DST: variants seen among roughly 807,000 people sequenced by gnomAD.
DST encodes the protein dystonin, also known as bullous pemphigoid antigen.
A neutral mutation model predicts 875.2 loss-of-function variants in DST; 253 were observed. The ratio of observed to expected loss-of-function variants is 0.29; its 90% CI spans 0.26 to 0.32. The LOEUF is 0.32. DST is among the 10% of genes least tolerant of loss of function. DST has a pLI of 1.00. For synonymous variants in DST, 3,124 were observed against 3,197.1 expected, an observed-to-expected ratio of 0.98 and a Z score of 0.77; for missense variants, 8,287 against 9,111.6, an observed-to-expected ratio of 0.91 and a Z score of 3.68.
At chr6:56,915,005 A>C (rs1213572400) in intron 2 of DST, among the ~76,000 whole-genome samples, 1 of 152,346 alleles carries the variant, frequency 6.6e-6, no homozygotes, top group East Asian at 1.9e-4. Flanking sequence ...TTCTCTCAGC[A>C]ACGGGCCCAC....
At chr6:56,836,850 C>CAA (rs1362120373) in intron 4 of DST, among the ~76,000 whole-genome samples, 11,535 of 73,268 alleles carry the variant, frequency 0.16, 706 homozygotes, top group Middle Eastern at 0.25. Context: ...GACTCCATCT[C>CAA]AAAAAAAAAA....
chr6:56,567,256 G>A (rs1427673019), intron 55 of DST, among the ~76,000 whole-genome samples: 1 of 151,752 alleles, frequency 6.6e-6, no homozygotes, highest in Non-Finnish European at 1.5e-5. Flanking sequence ...AAAACACAAA[G>A]ACATTTCTCA....
intron 4 of DST, among the ~76,000 whole-genome samples, chr6:56,778,655 T>C (rs771149734): frequency 2.6e-5 from 4 of 151,484 alleles, no homozygotes; most frequent in Admixed American, 2.0e-4. Flanking sequence ...GTCCTTGAGA[T>C]AGTTTACTGA....
At chr6:56,826,649 T>A (rs1232008894) in intron 4 of DST, among the ~76,000 whole-genome samples, 1 of 152,188 alleles carries the variant, frequency 6.6e-6, no homozygotes, top group Admixed American at 6.5e-5. Context: ...ATATTAGAAG[T>A]CAATATTTAG....
intron 10 of DST, among the ~76,000 whole-genome samples, chr6:56,669,379 T>A (rs1032433713): frequency 1.3e-5 from 2 of 150,942 alleles, no homozygotes; most frequent in Admixed American, 1.3e-4. Flanking sequence ...GGGGATCACC[T>A]GAGGTCAGGA....
chr6:56,607,414 G>T lies in DST; in HGVS notation c.7214C>A (p.Ser2405Ter), dbSNP rs1261702898. 1.2e-6 allele frequency: 2 copies of T among 1,611,494 alleles called. No individual in the cohort carries two copies. The highest frequency in any genetic ancestry group is 1.7e-6 in the Non-Finnish European group (2 of 1,178,870). Residue 2405 changes from serine (S) to a stop codon, truncating the protein, a stop_gained, in exon 40 of 104, where the codon TCA becomes TAA. Coordinates refer to ENST00000680361, the MANE Select transcript of DST (RefSeq NM_001374736.1). LOFTEE classifies it high-confidence loss of function. ...CACACCACAGAATTTACTCATTTTT[G>T]ATTTCATAATAGGATTTTCTATTAA... is the stretch of plus-strand genomic sequence containing the variant. ...SDLIENPIMKSKMSKFCGVNE... is the reference protein window; with the variant it reads ...SDLIENPIMK
At chr6:56,601,925 C>A in intron 43 of DST, 1 of 447,906 alleles carries the variant, frequency 2.2e-6, no homozygotes. Flanking sequence ...TTATCTTTAC[C>A]TGTCACATTG....
At chr6:56,732,457 A>G (rs977637523) in intron 5 of DST, among the ~76,000 whole-genome samples, 11 of 152,324 alleles carry the variant, frequency 7.2e-5, no homozygotes, top group Admixed American at 4.6e-4. Context: ...AAACATTTAT[A>G]ATTTTGACTT....
chr6:56,949,624 G>T (rs1166255146), intron 2 of DST, among the ~76,000 whole-genome samples: 1 of 152,156 alleles, frequency 6.6e-6, no homozygotes, highest in Non-Finnish European at 1.5e-5. Context: ...GTGTTTATTT[G>T]AAAAATAATT....
intron 36 of DST, chr6:56,620,014 G>C: frequency 6.2e-7 from 1 of 1,614,070 alleles, no homozygotes; most frequent in African/African-American, 1.3e-5. Flanking sequence ...TAGCCTGTGT[G>C]ATCGGACACA....
chr6:56,548,162 C>T lies in DST; in HGVS notation c.16608+4022G>A, dbSNP rs79411566. On this transcript the variant is annotated intron_variant, in intron 61 of 103. Coordinates refer to ENST00000680361, the MANE Select transcript of DST (RefSeq NM_001374736.1). ...TGTCTTAGGCCACCCATAAAATACA[C>T]TAACAGCAATGACAGCTGATGAGCT... Among the ~76,000 whole-genome samples, 1,518 of 152,290 alleles carry T rather than the reference C, an allele frequency of 1.0e-2. 34 individuals carry two copies. Among genetic ancestry groups the T allele is most frequent in the African/African-American group, 0.035 (1,464 of 41,540 alleles).
intron 17 of DST, among the ~76,000 whole-genome samples, chr6:56,641,638 C>T (rs972452012): frequency 6.6e-6 from 1 of 152,056 alleles, no homozygotes. Flanking sequence ...TTTCAAACAT[C>T]CCATGAATAC....
intron 85 of DST, among the ~76,000 whole-genome samples, chr6:56,491,849 A>G (rs539917196): frequency 3.3e-4 from 51 of 152,328 alleles, no homozygotes; most frequent in African/African-American, 1.2e-3. Context: ...AACAAAAGGT[A>G]GCAATACAAT....
intron 4 of DST, among the ~76,000 whole-genome samples, chr6:56,793,345 A>G (rs1259762692): frequency 1.3e-5 from 2 of 152,196 alleles, no homozygotes; most frequent in African/African-American, 4.8e-5. Context: ...ATGATGTCTA[A>G]ACTTAAATTT....
chr6:56,912,950 A>G (rs917261782), intron 2 of DST, among the ~76,000 whole-genome samples: 1 of 152,226 alleles, frequency 6.6e-6, no homozygotes, highest in South Asian at 2.1e-4. Flanking sequence ...ACAGTCTACC[A>G]CAGAGCTGGT....
intron 86 of DST, 74 bp downstream of exon 86, chr6:56,489,416 T>C: frequency 7.0e-7 from 1 of 1,433,842 alleles, no homozygotes; most frequent in Non-Finnish European, 9.2e-7. Context: ...AATAAACACG[T>C]GATGAAGTAA....
At chr6:56,865,130 A>G (rs945693954) in intron 3 of DST, among the ~76,000 whole-genome samples, 3 of 152,220 alleles carry the variant, frequency 2.0e-5, no homozygotes, top group South Asian at 2.1e-4. Flanking sequence ...AATCACAGAG[A>G]CAGAGATTCA....
chr6:56,746,200 G>A (rs780763674), intron 4 of DST, among the ~76,000 whole-genome samples: 16 of 151,720 alleles, frequency 1.1e-4, no homozygotes, highest in South Asian at 2.1e-4. Context: ...TGTCCAGACC[G>A]GTCTCCAACT....
intron 9 of DST, among the ~76,000 whole-genome samples, chr6:56,693,887 A>G (rs1343607963): frequency 6.6e-6 from 1 of 152,000 alleles, no homozygotes; most frequent in Non-Finnish European, 1.5e-5. Flanking sequence ...AAAAAAATCA[A>G]TCTTTTAAAA....
Sources: gnomAD v4.1 joint callset for allele counts (sites outside exome capture counted in the v4.1 genomes callset) on GRCh38, gnomAD v4.1.1 for gene constraint, MANE v1.5 for transcripts, NCBI Gene and HGNC (gene_info 2026-07-23, HGNC 2026-07-21) for gene names.